The following PCDHGB2 variants were observed in gnomAD, a reference collection of about 807,000 sequenced individuals.
PCDHGB2 encodes protocadherin gamma subfamily B, 2, also known as protocadherin gamma-B2.
PCDHGB2 carries 55 observed loss-of-function variants against 59.3 expected under a neutral mutation model. The observed-to-expected ratio is 0.93, with a 90% CI of 0.75 to 1.16. The LOEUF is 1.16. PCDHGB2 is among the 50% of genes most tolerant of loss of function. PCDHGB2 has a pLI of 0.00. For missense variants in PCDHGB2, 1,228 were observed against 1,198.5 expected (o/e 1.02, Z -0.36); for synonymous variants, 516 against 512.0 (o/e 1.01, Z -0.11).
At chr5:141,415,935 C>T (rs2095972319) in intron 1 of PCDHGB2, 1 of 601,888 alleles carries the variant, frequency 1.7e-6, no homozygotes, top group Non-Finnish European at 2.4e-6. Flanking sequence ...TTTATATTTC[C>T]TCCTGGGTGG....
chr5:141,489,944 T>C lies in PCDHGB2; in HGVS notation c.2422-4863T>C. On this transcript the variant is annotated intron_variant, in intron 1 of 3. Coordinates refer to ENST00000522605, the MANE Select transcript of PCDHGB2 (RefSeq NM_018923.3). The surrounding 1 kb of genome is among the most constrained non-coding windows in gnomAD (Gnocchi z 4.5). Reference sequence around the variant, plus strand: ...CTTATCTCTGTCATCGTGCTGGACATCAATGATAATGCTCCAACCTTCCAA... The same window carrying C: ...CTTATCTCTGTCATCGTGCTGGACACCAATGATAATGCTCCAACCTTCCAA... 6.2e-7 allele frequency: 1 copy of C among 1,614,172 alleles called. No homozygotes were observed. Among genetic ancestry groups the C allele is most frequent in the Non-Finnish European group, 8.5e-7 (1 of 1,180,010 alleles).
intron 1 of PCDHGB2, chr5:141,409,044 T>G (rs2095215005): frequency 6.2e-7 from 1 of 1,613,762 alleles, no homozygotes; most frequent in African/African-American, 1.3e-5. Context: ...AACTACTACT[T>G]CCGAAGCACT....
At chr5:141,462,152 G>C (rs1336635196) in intron 1 of PCDHGB2, among the ~76,000 whole-genome samples, 6 of 152,034 alleles carry the variant, frequency 3.9e-5, no homozygotes, top group African/African-American at 7.2e-5. Flanking sequence ...TAGAGATGGG[G>C]TTTCATCATG....
At chr5:141,391,727 TTTGTAGTCATACTTA>T (rs1212107227) in intron 1 of PCDHGB2, 1 of 152,206 alleles carries the variant, frequency 6.6e-6, no homozygotes. Context: ...AACAGACTTT[TTTGTAGTCATACTTA>T]TCCTTTGGCT....
chr5:141,470,778 C>A (rs1047167697), intron 1 of PCDHGB2, among the ~76,000 whole-genome samples: 1 of 152,132 alleles, frequency 6.6e-6, no homozygotes, highest in African/African-American at 2.4e-5. Context: ...GTCTTGAATT[C>A]CTGGGCTCAA....
chr5:141,415,649 A>C, intron 1 of PCDHGB2: 1 of 1,597,710 alleles, frequency 6.3e-7, no homozygotes, highest in Non-Finnish European at 8.5e-7. Context: ...GTTAAAAAAA[A>C]AAAGATTGGT....
chr5:141,382,342 T>A (rs1481008486), intron 1 of PCDHGB2, among the ~76,000 whole-genome samples: 1 of 152,250 alleles, frequency 6.6e-6, no homozygotes, highest in East Asian at 1.9e-4. Context: ...GTAAAATCTT[T>A]CATATGTATT....
intron 1 of PCDHGB2, among the ~76,000 whole-genome samples, chr5:141,442,945 C>G (rs1000311671): frequency 1.8e-4 from 28 of 152,150 alleles, no homozygotes; most frequent in African/African-American, 6.3e-4. Context: ...GAAACTTCCT[C>G]TCACTGCAAA....
intron 1 of PCDHGB2, chr5:141,389,998 T>G: frequency 6.2e-7 from 1 of 1,614,046 alleles, no homozygotes; most frequent in Non-Finnish European, 8.5e-7. Flanking sequence ...CTCGTGGCCA[T>G]GATTCTGGCC....
At chr5:141,366,085 C>A (rs938214198) in intron 1 of PCDHGB2, 6 of 1,614,150 alleles carry the variant, frequency 3.7e-6, no homozygotes, top group Non-Finnish European at 5.1e-6. Context: ...CAGAACCTGG[C>A]TACCTGGTGA....
chr5:141,415,740 G>GTTTTTTTTTTTTTTTT (rs57426385), intron 1 of PCDHGB2: 34 of 625,042 alleles, frequency 5.4e-5, no homozygotes, highest in African/African-American at 2.0e-4. Flanking sequence ...GTTTATTAAG[G>GTTTTTTTTTTTTTTTT]TTTTTTTTTT....
Position 141,362,547 on chromosome 5 carries a change from T to G in PCDHGB2, c.2412T>G (p.Thr804=), listed in dbSNP as rs1392126264. The G allele has an allele frequency of 1.2e-5, 19 of 1,613,406 alleles. No homozygotes were observed. Among genetic ancestry groups the G allele is most frequent in the Admixed American group, 1.7e-5 (1 of 59,906 alleles). Residue 804 remains threonine (T), a synonymous_variant, in exon 1 of 4, where the codon ACT becomes ACG. Transcript: ENST00000522605. ...CTGGGGTCCCTTTTGCCTCAGATAC[T>G]ATTTTGAAGGTGAGCTTTAATTAAT... The part of the protein sequence containing the change: ...GAAGVPFASD[T]ILKQAPPNTD...
Position 141,476,993 on chromosome 5 carries a change from C to A in PCDHGB2, c.2422-17814C>A. 6.2e-7 allele frequency: 1 copy of A among 1,614,244 alleles called. No individual in the cohort carries two copies. Among genetic ancestry groups the A allele is most frequent in the South Asian group, 1.1e-5 (1 of 91,086 alleles). Reference sequence around the variant, plus strand: ...CAGCCACAACCGCGCCGGCGTGCGGCAACTATTCGCCTTAGACCTTGTAAC... The same window carrying A: ...CAGCCACAACCGCGCCGGCGTGCGGAAACTATTCGCCTTAGACCTTGTAAC... On this transcript the variant is annotated intron_variant, in intron 1 of 3. Coordinates refer to ENST00000522605, the MANE Select transcript of PCDHGB2 (RefSeq NM_018923.3). This position sits in a 1 kb window ranked among gnomAD's most constrained non-coding sequence, Gnocchi z 7.6.
intron 1 of PCDHGB2, chr5:141,413,714 A>T: frequency 6.2e-7 from 1 of 1,613,586 alleles, no homozygotes; most frequent in Non-Finnish European, 8.5e-7. Flanking sequence ...AGCCCCAATA[A>T]GCACTTCTCC....
chr5:141,405,177 G>A, intron 1 of PCDHGB2: 3 of 1,614,140 alleles, frequency 1.9e-6, no homozygotes, highest in African/African-American at 1.3e-5. Flanking sequence ...CACTTTGTGG[G>A]TGTAGATGGG....
intron 1 of PCDHGB2, chr5:141,389,506 G>A: frequency 1.9e-6 from 3 of 1,613,112 alleles, no homozygotes; most frequent in Non-Finnish European, 2.5e-6. Context: ...CCAGCGCTCA[G>A]CGCGAACGTG....
chr5:141,478,155 G>A (rs138384601), intron 1 of PCDHGB2: 1 of 1,613,992 alleles, frequency 6.2e-7, no homozygotes, highest in Non-Finnish European at 8.5e-7. Context: ...TTCCCCTCTG[G>A]CTCTGCCCCC....
chr5:141,431,474 G>A lies in PCDHGB2; in HGVS notation c.2422-63333G>A, dbSNP rs747313827. 2 of 1,613,842 alleles carry A rather than the reference G, an allele frequency of 1.2e-6. No homozygotes were observed. Among genetic ancestry groups the A allele is most frequent in the East Asian group, 4.5e-5 (2 of 44,886 alleles). ...GATGGTTCTGGATGCGAACGACAACGCACCAGCGTTTGCTCAGCCCGAGTA... is the reference window on the plus strand; with the variant it reads ...GATGGTTCTGGATGCGAACGACAACACACCAGCGTTTGCTCAGCCCGAGTA... On this transcript the variant is annotated intron_variant, in intron 1 of 3. Coordinates refer to ENST00000522605, the MANE Select transcript of PCDHGB2 (RefSeq NM_018923.3). This position sits in a 1 kb window ranked among gnomAD's most constrained non-coding sequence, Gnocchi z 4.8.
At chr5:141,427,970 C>G in intron 1 of PCDHGB2, 1 of 1,592,510 alleles carries the variant, frequency 6.3e-7, no homozygotes. Context: ...GGGTGCTGTA[C>G]CCCGCGCTGG....
Sources: gnomAD v4.1 joint callset for allele counts (sites outside exome capture counted in the v4.1 genomes callset) on GRCh38, gnomAD v4.1.1 for gene constraint, Gnocchi (gnomAD v3.1) non-coding constraint, MANE v1.5 for transcripts, NCBI Gene and HGNC (gene_info 2026-07-23, HGNC 2026-07-21) for gene names.